ARB2A: variants seen among roughly 807,000 people sequenced by gnomAD.
ARB2A encodes cotranscriptional regulator ARB2A.
the ARB2A span, among the ~76,000 whole-genome samples, chr5:93,840,172 C>T: frequency 7.9e-5 from 12 of 152,086 alleles, no homozygotes; most frequent in Admixed American, 5.2e-4. Context: ...ACTGCCTTAG[C>T]GGTGTCCCAG....
chr5:94,042,354 C>G, the ARB2A span, among the ~76,000 whole-genome samples: 1 of 129,496 alleles, frequency 7.7e-6, no homozygotes, highest in Non-Finnish European at 1.6e-5. Flanking sequence ...GGGTCTCGCT[C>G]TGTAGCCCAG....
the ARB2A span, among the ~76,000 whole-genome samples, chr5:94,045,062 G>A: frequency 6.9e-6 from 1 of 145,464 alleles, no homozygotes; most frequent in African/African-American, 2.6e-5. Context: ...GGAGTGCAGT[G>A]AGCTGAGATC....
At chr5:94,059,038 G>GGA in the ARB2A span, among the ~76,000 whole-genome samples, 1 of 152,012 alleles carries the variant, frequency 6.6e-6, no homozygotes, top group Admixed American at 6.6e-5. Flanking sequence ...CTCACCAGAA[G>GGA]GAGACATCAG....
At chr5:93,800,423 A>ACG in the ARB2A span, among the ~76,000 whole-genome samples, 1 of 146,552 alleles carries the variant, frequency 6.8e-6, no homozygotes, top group African/African-American at 2.5e-5. Context: ...ACACACACAC[A>ACG]CGCACACAAA....
chr5:93,830,303 G>GTGTGTGTA, the ARB2A span, among the ~76,000 whole-genome samples: 1 of 64,368 alleles, frequency 1.6e-5, no homozygotes, highest in African/African-American at 6.5e-5. Context: ...ATATATATGT[G>GTGTGTGTA]TGTGTGTGTA....
At chr5:93,709,113 C>G in the ARB2A span, among the ~76,000 whole-genome samples, 1 of 134,564 alleles carries the variant, frequency 7.4e-6, no homozygotes, top group African/African-American at 2.8e-5. Flanking sequence ...ACAAGGTATA[C>G]ACATGTCAAT....
At chr5:94,078,335 C>T in the ARB2A span, among the ~76,000 whole-genome samples, 107 of 152,244 alleles carry the variant, frequency 7.0e-4, 1 homozygote, top group East Asian at 0.018. Context: ...TTCAAAATAG[C>T]CTACTTGCAA....
At chr5:93,709,849 AT>A in the ARB2A span, among the ~76,000 whole-genome samples, 2 of 151,976 alleles carry the variant, frequency 1.3e-5, no homozygotes, top group Non-Finnish European at 2.9e-5. Context: ...CAACCCTATA[AT>A]TTTTCAAGTG....
chr5:93,886,551 T>G, the ARB2A span, among the ~76,000 whole-genome samples: 1 of 151,696 alleles, frequency 6.6e-6, no homozygotes, highest in Non-Finnish European at 1.5e-5. Flanking sequence ...TATGTTGTAT[T>G]TATTCTCATC....
the ARB2A span, among the ~76,000 whole-genome samples, chr5:94,101,112 AAAAC>A: frequency 6.6e-6 from 1 of 152,232 alleles, no homozygotes; most frequent in Admixed American, 6.5e-5. Flanking sequence ...TTCTAAGAGA[AAAAC>A]AAACAACCCT....
At chr5:93,646,549 G>A in the ARB2A span, among the ~76,000 whole-genome samples, 155 of 152,008 alleles carry the variant, frequency 1.0e-3, no homozygotes, top group African/African-American at 3.6e-3. Context: ...TAATAAAATT[G>A]CTCTTTTCAG....
chr5:93,867,581 C>T, the ARB2A span, among the ~76,000 whole-genome samples: 1 of 151,940 alleles, frequency 6.6e-6, no homozygotes, highest in Non-Finnish European at 1.5e-5. Context: ...CCATGCCGAG[C>T]TAATTTTTGT....
At chr5:93,659,540 G>GA in the ARB2A span, among the ~76,000 whole-genome samples, 1 of 152,014 alleles carries the variant, frequency 6.6e-6, no homozygotes, top group Non-Finnish European at 1.5e-5. Flanking sequence ...TGATCAGACA[G>GA]AAAAAAATTT....
At chr5:93,637,720 G>C in the ARB2A span, among the ~76,000 whole-genome samples, 1 of 152,066 alleles carries the variant, frequency 6.6e-6, no homozygotes, top group Non-Finnish European at 1.5e-5. Context: ...TAGATCCTTT[G>C]CCTTTACATA....
chr5:94,029,642 G>T, the ARB2A span, among the ~76,000 whole-genome samples: 1 of 151,614 alleles, frequency 6.6e-6, no homozygotes, highest in African/African-American at 2.4e-5. Flanking sequence ...TCCTAACTTT[G>T]TTCACTTAGG....
chr5:93,836,705 G>A, the ARB2A span, among the ~76,000 whole-genome samples: 1 of 152,020 alleles, frequency 6.6e-6, no homozygotes, highest in Non-Finnish European at 1.5e-5. Context: ...AAAGTACTAG[G>A]TGTATACTGG....
At chr5:93,800,423 A>G in the ARB2A span, among the ~76,000 whole-genome samples, 21 of 146,552 alleles carry the variant, frequency 1.4e-4, no homozygotes, top group South Asian at 6.6e-4. Context: ...ACACACACAC[A>G]CGCACACAAA....
At chr5:93,648,312 G>C in the ARB2A span, among the ~76,000 whole-genome samples, 1 of 151,980 alleles carries the variant, frequency 6.6e-6, no homozygotes, top group Admixed American at 6.5e-5. Context: ...GACATTTTAA[G>C]TACATTATGT....
the ARB2A span, among the ~76,000 whole-genome samples, chr5:93,965,796 C>T: frequency 6.6e-6 from 1 of 151,930 alleles, no homozygotes; most frequent in Non-Finnish European, 1.5e-5. Flanking sequence ...TGCTTTGGTG[C>T]TGTATTCGTA....
Sources: gnomAD v4.1 joint callset for allele counts (sites outside exome capture counted in the v4.1 genomes callset) on GRCh38, gnomAD v4.1.1 for gene constraint, MANE v1.5 for transcripts, NCBI Gene and HGNC (gene_info 2026-07-23, HGNC 2026-07-21) for gene names.